The following ALCAM variants were observed in gnomAD, a reference collection of about 807,000 sequenced individuals.
ALCAM encodes activated leukocyte cell adhesion molecule, also known as CD166 antigen.
ALCAM carries 30 observed loss-of-function variants against 70.9 expected under a neutral mutation model. The ratio of observed to expected loss-of-function variants is 0.42; its 90% CI spans 0.32 to 0.57. ALCAM has a LOEUF of 0.57. Ranked by LOEUF, ALCAM falls within the 20% of genes least tolerant of loss-of-function variation. ALCAM has a pLI of 0.11. For synonymous variants in ALCAM, 249 were observed against 242.5 expected, an observed-to-expected ratio of 1.03 and a Z score of -0.25; for missense variants, 591 against 695.1, an observed-to-expected ratio of 0.85 and a Z score of 1.68.
At chr3:105,441,256 T>C (rs530796761) in intron 1 of ALCAM, among the ~76,000 whole-genome samples, 120 of 152,234 alleles carry the variant, frequency 7.9e-4, no homozygotes, top group African/African-American at 2.8e-3. Context: ...ATCAGGTAAT[T>C]GATTCAGTTT....
intron 14 of ALCAM, among the ~76,000 whole-genome samples, chr3:105,561,141 T>C (rs542403385): frequency 1.1e-3 from 173 of 152,340 alleles, no homozygotes; most frequent in Non-Finnish European, 1.9e-3. Flanking sequence ...TGTTTATACA[T>C]TTTGCAGCTA....
intron 1 of ALCAM, among the ~76,000 whole-genome samples, chr3:105,452,794 G>A (rs923164777): frequency 7.9e-5 from 12 of 152,100 alleles, no homozygotes; most frequent in Non-Finnish European, 1.5e-4. Flanking sequence ...ATCTCACTGT[G>A]GTTTTGATTT....
Position 105,367,485 on chromosome 3 carries a change from A to G in ALCAM, c.73+4A>G, listed in dbSNP as rs1935094121. The G allele has an allele frequency of 1.2e-6, 2 of 1,613,992 alleles. No homozygotes were observed. The highest frequency in any genetic ancestry group is 1.7e-4 in the Middle Eastern group (1 of 6,060). ...TCCGCCACCGTCTTCAGGCCAGGTGAGCAAGGGCCTGGGAGCAGCCCCAGA... is the reference window on the plus strand; with the variant it reads ...TCCGCCACCGTCTTCAGGCCAGGTGGGCAAGGGCCTGGGAGCAGCCCCAGA... On this transcript the variant is annotated splice_donor_region_variant and intron_variant, in intron 1 of 15. Transcript: ENST00000306107.
chr3:105,511,273 A>AT (rs1316160558), intron 1 of ALCAM, among the ~76,000 whole-genome samples: 1 of 152,088 alleles, frequency 6.6e-6, no homozygotes, highest in Non-Finnish European at 1.5e-5. Context: ...TTGAGGTGAC[A>AT]CACCATCTCT....
At chr3:105,383,510 A>T (rs1935577926) in intron 1 of ALCAM, among the ~76,000 whole-genome samples, 1 of 151,776 alleles carries the variant, frequency 6.6e-6, no homozygotes, top group Non-Finnish European at 1.5e-5. Flanking sequence ...ACAACATATA[A>T]TGTTGTATGA....
chr3:105,399,770 G>A (rs180781775), intron 1 of ALCAM, among the ~76,000 whole-genome samples: 20 of 152,106 alleles, frequency 1.3e-4, no homozygotes, highest in African/African-American at 4.1e-4. Flanking sequence ...AAATCCAAGA[G>A]CCAGTCAGTT....
chr3:105,369,632 G>C (rs1250203028), intron 1 of ALCAM, among the ~76,000 whole-genome samples: 1 of 152,154 alleles, frequency 6.6e-6, no homozygotes, highest in Non-Finnish European at 1.5e-5. Flanking sequence ...AGCCCGGTGG[G>C]GGCGCGGTGC....
chr3:105,444,894 T>C (rs1271563519), intron 1 of ALCAM, among the ~76,000 whole-genome samples: 1 of 152,152 alleles, frequency 6.6e-6, no homozygotes, highest in Non-Finnish European at 1.5e-5. Context: ...CTTTTGAGAA[T>C]TGAAAGCATC....
intron 1 of ALCAM, among the ~76,000 whole-genome samples, chr3:105,510,276 C>A (rs983975840): frequency 6.6e-6 from 1 of 151,972 alleles, no homozygotes; most frequent in Non-Finnish European, 1.5e-5. Context: ...ATCAGGGAAT[C>A]GGGGTATCCG....
chr3:105,550,098 T>C (rs1326242283), intron 11 of ALCAM, 29 bp from the exon 12 acceptor site: 8 of 1,561,574 alleles, frequency 5.1e-6, no homozygotes, highest in Non-Finnish European at 7.0e-6. Context: ...TTTTGATTTC[T>C]AAACCCACCT....
chr3:105,467,070 GTAATT>G (rs1937760064), intron 1 of ALCAM, among the ~76,000 whole-genome samples: 1 of 151,348 alleles, frequency 6.6e-6, no homozygotes. Context: ...CTTTGGAGAT[GTAATT>G]TAATCTCTTT....
intron 1 of ALCAM, among the ~76,000 whole-genome samples, chr3:105,479,086 AAAT>A (rs1938198728): frequency 1.3e-5 from 2 of 152,188 alleles, no homozygotes; most frequent in South Asian, 4.1e-4. Flanking sequence ...AGTGTATCTA[AAAT>A]AATAAGTATT....
chr3:105,552,977 T>C, intron 14 of ALCAM: 1 of 1,020,600 alleles, frequency 9.8e-7, no homozygotes, highest in Non-Finnish European at 1.2e-6. Flanking sequence ...GTCTTTGCAG[T>C]GACACATCTG....
At chr3:105,553,304 T>G (rs1940453130) in intron 14 of ALCAM, 1 of 190,114 alleles carries the variant, frequency 5.3e-6, no homozygotes, top group Non-Finnish European at 9.7e-6. Context: ...ATCATCTCAC[T>G]CCCAACCCTA....
chr3:105,440,081 A>G (rs1321872913), intron 1 of ALCAM, among the ~76,000 whole-genome samples: 2 of 152,206 alleles, frequency 1.3e-5, no homozygotes, highest in African/African-American at 4.8e-5. Context: ...CCCACTTAGT[A>G]TTTACAAGGA....
chr3:105,509,817 T>G (rs1009619635), intron 1 of ALCAM, among the ~76,000 whole-genome samples: 3 of 152,128 alleles, frequency 2.0e-5, no homozygotes, highest in Non-Finnish European at 4.4e-5. Flanking sequence ...GTCAAAGAGC[T>G]TTTCCCCTAT....
rs533856585 is a variant in ALCAM, at chr3:105,389,753, C to G, written c.73+22272C>G. ...CTGTCCCTCCCCCCTACCCCCTCAACAGGTCCCATTGTGTGTTGTCCCCCT... is the reference window on the plus strand; with the variant it reads ...CTGTCCCTCCCCCCTACCCCCTCAAGAGGTCCCATTGTGTGTTGTCCCCCT... On this transcript the variant is annotated intron_variant, in intron 1 of 15. Transcript: ENST00000306107. Among the ~76,000 whole-genome samples, 3 of 150,036 alleles carry G rather than the reference C, an allele frequency of 2.0e-5. No homozygotes were observed. In the Admixed American group the frequency reaches 2.0e-4, roughly 10 times the overall value.
intron 1 of ALCAM, among the ~76,000 whole-genome samples, chr3:105,430,225 C>T (rs1936895265): frequency 6.6e-6 from 1 of 151,850 alleles, no homozygotes; most frequent in South Asian, 2.1e-4. Context: ...ACATTTATCA[C>T]AATTGAGATA....
intron 1 of ALCAM, among the ~76,000 whole-genome samples, chr3:105,384,850 A>G (rs1440940969): frequency 6.6e-6 from 1 of 151,584 alleles, no homozygotes; most frequent in Non-Finnish European, 1.5e-5. Flanking sequence ...CTTTGAATGC[A>G]GTATAGTTTA....
Sources: allele counts gnomAD v4.1 joint callset (sites outside exome capture counted in the v4.1 genomes callset), GRCh38; gene constraint gnomAD v4.1.1; transcripts MANE v1.5; gene names NCBI Gene and HGNC (gene_info 2026-07-23, HGNC 2026-07-21).